Variants in TNRC18 observed in about 807,000 individuals in gnomAD.
TNRC18 encodes trinucleotide repeat containing 18, also known as trinucleotide repeat-containing gene 18 protein.
A neutral mutation model predicts 226.7 loss-of-function variants in TNRC18; 69 were observed. The observed-to-expected ratio is 0.30, with a 90% CI of 0.25 to 0.37. TNRC18 has a LOEUF of 0.37. TNRC18 is among the 10% of genes least tolerant of loss of function. The pLI, the probability that TNRC18 is intolerant of heterozygous loss-of-function variation, is 1.00. For synonymous variants in TNRC18, 2,449 were observed against 1,927.6 expected (o/e 1.27, Z -7.09); for missense variants, 4,754 against 4,256.6 (o/e 1.12, Z -3.25).
Position 5,361,912 on chromosome 7 carries a change from C to G in TNRC18, c.4517G>C (p.Arg1506Pro). The G allele has an allele frequency of 1.3e-6, 2 of 1,579,234 alleles. No individual in the cohort carries two copies. Among genetic ancestry groups the G allele is most frequent in the Non-Finnish European group, 1.7e-6 (2 of 1,164,660 alleles). ...ACACACTCACTCGGAGTCCCGGCGG[C>G]GCTGCAGCTTCACCAGCTCACGCTG... ...EKQRELVKLQRRRDSEDRREE... is the reference protein window; with the variant it reads ...EKQRELVKLQPRRDSEDRREE... The change falls in exon 13 of 30, where the codon CGC (arginine) becomes CCC (proline). Residue 1506 changes from arginine (R) to proline (P), a missense_variant. By Grantham distance (103) the Arg-to-Pro change is moderately radical (BLOSUM62 -2). Coordinates refer to ENST00000430969, the MANE Select transcript of TNRC18 (RefSeq NM_001080495.3).
chr7:5,342,295 G>C (rs1790760404), intron 18 of TNRC18, among the ~76,000 whole-genome samples: 1 of 152,140 alleles, frequency 6.6e-6, no homozygotes, highest in African/African-American at 2.4e-5. Context: ...CAGGTGTGGT[G>C]GCGGGCACTT....
At chr7:5,405,027 G>A (rs1030970941) in intron 2 of TNRC18, among the ~76,000 whole-genome samples, 3 of 151,996 alleles carry the variant, frequency 2.0e-5, no homozygotes, top group Non-Finnish European at 2.9e-5. Flanking sequence ...TGAGGCAGGA[G>A]AACTGCTTGA....
intron 17 of TNRC18, among the ~76,000 whole-genome samples, chr7:5,350,082 G>A (rs1242030611): frequency 1.3e-5 from 2 of 152,094 alleles, no homozygotes; most frequent in Admixed American, 6.5e-5. Flanking sequence ...AGCGGAAACC[G>A]CGGCTTTAAG....
In TNRC18 at chr7:5,320,621, C is replaced by T. The variant is rs747680661; in HGVS notation, c.6561-14G>A. 2.3e-5 allele frequency: 37 copies of T among 1,609,638 alleles called. No individual in the cohort carries two copies. Among genetic ancestry groups the T allele is most frequent in the Non-Finnish European group, 3.1e-5 (37 of 1,178,972 alleles). On this transcript the variant is annotated splice_polypyrimidine_tract_variant and intron_variant, in intron 22 of 29. Transcript: ENST00000430969. Reference sequence around the variant, plus strand: ...ACCACGCGGTATCTGTAGGAGCAAACGAGGCGTGAGGTGGCAGAGGCCGAG... The same window carrying T: ...ACCACGCGGTATCTGTAGGAGCAAATGAGGCGTGAGGTGGCAGAGGCCGAG...
At chr7:5,321,957 C>T (rs1265689849) in intron 21 of TNRC18, among the ~76,000 whole-genome samples, 1 of 151,914 alleles carries the variant, frequency 6.6e-6, no homozygotes, top group African/African-American at 2.4e-5. Flanking sequence ...CGGTGTGAGC[C>T]ACCGTGCCCG....
chr7:5,388,755 A>G lies in TNRC18; in HGVS notation c.1069T>C (p.Tyr357His). 6 of 1,236,884 alleles carry G rather than the reference A, an allele frequency of 4.9e-6. No individual in the cohort carries two copies. The highest frequency in any genetic ancestry group is 4.9e-5 in the South Asian group (2 of 40,812). 76.6% of individuals were successfully genotyped at this position (1,236,884 alleles called of 1,614,324 possible). Reference sequence around the variant, plus strand: ...CGGCCCTGCTCGCGGAAGACGGTGTAGACGCCGGCGGGGGTGGCCGCGGGG... The same window carrying G: ...CGGCCCTGCTCGCGGAAGACGGTGTGGACGCCGGCGGGGGTGGCCGCGGGG... ...APPAATPAGV[Y>H]TVFREQGREH... The change falls in exon 5 of 30, where the codon TAC (tyrosine) becomes CAC (histidine). Residue 357 changes from tyrosine to histidine, a missense_variant. Physicochemically the swap from Tyr to His is moderately conservative, Grantham distance 83. Transcript: ENST00000430969.
At chr7:5,418,775 G>A (rs139607240) in intron 2 of TNRC18, among the ~76,000 whole-genome samples, 1 of 152,208 alleles carries the variant, frequency 6.6e-6, no homozygotes, top group East Asian at 1.9e-4. Flanking sequence ...AACGCGGGAG[G>A]GGGAGGATGT....
In TNRC18 at chr7:5,324,108, C is replaced by T; in HGVS notation, c.6442+106G>A. 3 of 1,288,610 alleles carry T rather than the reference C, an allele frequency of 2.3e-6. No homozygotes were observed. Among genetic ancestry groups the T allele is most frequent in the African/African-American group, 3.0e-5 (2 of 67,354 alleles). 79.8% of individuals were successfully genotyped at this position (1,288,610 alleles called of 1,614,324 possible). On this transcript the variant is annotated intron_variant, in intron 21 of 29. Transcript: ENST00000430969. This position sits in a 1 kb window ranked among gnomAD's most constrained non-coding sequence, Gnocchi z 4.8. ...GGATCTCTGCTCCTGTGGTTCCCTG[C>T]CCCCAGCTAGCCCAGCCCTTCAGTC...
intron 5 of TNRC18, among the ~76,000 whole-genome samples, chr7:5,383,201 C>T (rs1324909658): frequency 6.6e-6 from 1 of 152,196 alleles, no homozygotes; most frequent in African/African-American, 2.4e-5. Context: ...CCGCATCTGG[C>T]AAGGATGCCC....
At chr7:5,390,236 G>A (rs1256327820) in intron 4 of TNRC18, 4 of 536,984 alleles carry the variant, frequency 7.4e-6, no homozygotes, top group Non-Finnish European at 1.3e-5. Flanking sequence ...GTGGTGGGGT[G>A]TGTCTGCAGT....
rs142078256 is a variant in TNRC18 at position 5,366,798 on chromosome 7, A to G, written c.4219+3577T>C. ...GGATGGAGGGCTGTTCTGTTCTCCAAGAGGGGACCAAGGTACAACTCTGTC... is the reference window on the plus strand; with the variant it reads ...GGATGGAGGGCTGTTCTGTTCTCCAGGAGGGGACCAAGGTACAACTCTGTC... On this transcript the variant is annotated intron_variant, in intron 11 of 29. Transcript: ENST00000430969. Among the ~76,000 whole-genome samples, 528 of 152,276 alleles carry G rather than the reference A, an allele frequency of 3.5e-3. 3 individuals carry two copies. The highest frequency in any genetic ancestry group is 0.017 in the Middle Eastern group (5 of 294).
chr7:5,364,331 G>A (rs1793385480), intron 11 of TNRC18, among the ~76,000 whole-genome samples: 1 of 151,886 alleles, frequency 6.6e-6, no homozygotes, highest in Admixed American at 6.6e-5. Flanking sequence ...TAAACTGGGT[G>A]CCTGTAGTCC....
Position 5,312,707 on chromosome 7 carries a change from C to T in TNRC18, c.8184G>A (p.Ala2728=), listed in dbSNP as rs1033902733. 5.7e-6 allele frequency: 9 copies of T among 1,584,366 alleles called. No homozygotes were observed. Among genetic ancestry groups the T allele is most frequent in the Middle Eastern group, 4.6e-4 (2 of 4,330 alleles). The change falls in exon 27 of 30, where the codon GCG becomes GCA. Residue 2728 remains alanine (A), a synonymous_variant. Coordinates refer to ENST00000430969, the MANE Select transcript of TNRC18 (RefSeq NM_001080495.3). The surrounding 1 kb of genome is among the most constrained non-coding windows in gnomAD (Gnocchi z 6.3). ...GKKTPAPQPQ[A]PPPQPTQPLQ... ...GAGGCTGTGTGGGCTGCGGAGGAGG[C>T]GCCTGGGGCTGGGGCGCGGGCGTCT... is the stretch of plus-strand genomic sequence containing the variant.
chr7:5,346,062 T>G (rs973633532), intron 17 of TNRC18, among the ~76,000 whole-genome samples: 1 of 152,130 alleles, frequency 6.6e-6, no homozygotes, highest in Non-Finnish European at 1.5e-5. Flanking sequence ...TGTGTCAGGG[T>G]GGGCTTCTGT....
At chr7:5,422,559 G>A (rs1472668842) in intron 1 of TNRC18, among the ~76,000 whole-genome samples, 2 of 152,198 alleles carry the variant, frequency 1.3e-5, no homozygotes, top group Admixed American at 6.5e-5. Flanking sequence ...GATTCCGGGA[G>A]GCCTGGGCTC....
chr7:5,402,276 G>A (rs1781159278), intron 2 of TNRC18, among the ~76,000 whole-genome samples: 1 of 151,654 alleles, frequency 6.6e-6, no homozygotes, highest in Admixed American at 6.6e-5. Context: ...ACTCATGCCT[G>A]TAATCCCAGC....
intron 4 of TNRC18, 42 bp from the exon 5 acceptor site, chr7:5,389,378 C>A: frequency 8.1e-7 from 1 of 1,233,358 alleles, no homozygotes; most frequent in Non-Finnish European, 1.0e-6. Flanking sequence ...AGCGCCACCT[C>A]CCCTCCCACC....
intron 17 of TNRC18, among the ~76,000 whole-genome samples, chr7:5,346,595 G>A (rs531793375): frequency 1.3e-5 from 2 of 152,302 alleles, no homozygotes; most frequent in East Asian, 3.9e-4. Context: ...GATCACTTGA[G>A]CCCAGGAGTT....
intron 9 of TNRC18, among the ~76,000 whole-genome samples, chr7:5,374,961 G>A (rs1394896452): frequency 1.3e-5 from 2 of 152,186 alleles, no homozygotes; most frequent in Admixed American, 1.3e-4. Flanking sequence ...GAGGAAATGG[G>A]AGGGAGTCAG....
Sources: gnomAD v4.1 joint callset for allele counts (sites outside exome capture counted in the v4.1 genomes callset) on GRCh38, gnomAD v4.1.1 for gene constraint, Gnocchi (gnomAD v3.1) non-coding constraint, MANE v1.5 for transcripts, NCBI Gene and HGNC (gene_info 2026-07-23, HGNC 2026-07-21) for gene names.